The following GPR137B variants were observed in gnomAD, a reference collection of about 807,000 sequenced individuals.
GPR137B encodes integral membrane protein GPR137B.
GPR137B carries 42 observed loss-of-function variants against 42.5 expected under a neutral mutation model. The observed-to-expected ratio is 0.99, with a 90% CI of 0.77 to 1.28. The LOEUF (loss-of-function observed/expected upper bound fraction) is 1.28. GPR137B is among the 50% of genes most tolerant of loss of function. The probability of loss-of-function intolerance (pLI) is 0.00; values close to 1 mark genes in which losing one functional copy is unlikely to be tolerated. For synonymous variants in GPR137B, 218 were observed against 209.7 expected, an observed-to-expected ratio of 1.04 and a Z score of -0.34; for missense variants, 487 against 493.9, an observed-to-expected ratio of 0.99 and a Z score of 0.13.
intron 5 of GPR137B, among the ~76,000 whole-genome samples, chr1:236,199,771 T>G (rs1004961987): frequency 2.0e-5 from 3 of 152,054 alleles, no homozygotes; most frequent in Non-Finnish European, 4.4e-5. Flanking sequence ...TCACTAATGG[T>G]CTATCAATTT....
intron 1 of GPR137B, among the ~76,000 whole-genome samples, chr1:236,157,995 G>T (rs1208841364): frequency 6.6e-6 from 1 of 152,078 alleles, no homozygotes. Flanking sequence ...TATCTTTCAC[G>T]AATCCAGATT....
At chr1:236,202,188 G>T (rs1013128741) in intron 5 of GPR137B, among the ~76,000 whole-genome samples, 3 of 152,118 alleles carry the variant, frequency 2.0e-5, no homozygotes, top group Non-Finnish European at 4.4e-5. Context: ...GACCTTGGTT[G>T]TAAGTATGTT....
At chr1:236,172,360 C>T (rs552197105) in intron 2 of GPR137B, among the ~76,000 whole-genome samples, 2 of 152,262 alleles carry the variant, frequency 1.3e-5, no homozygotes, top group South Asian at 4.1e-4. Context: ...AAACATGAGC[C>T]ATTAGTCTAG....
rs988068438 is a variant in GPR137B, at chr1:236,178,804, T to G, written c.687+168T>G. Among the ~76,000 whole-genome samples, 34 of 100,540 alleles carry G rather than the reference T, an allele frequency of 3.4e-4. 1 individual carries two copies. The highest frequency in any genetic ancestry group is 1.1e-3 in the African/African-American group (34 of 30,436). The allele number at this position is 100,540 out of a possible 152,430, so 66.0% of individuals were successfully genotyped here. ...CTCGAGGTTTTTTTTTTTTTTTTTTTTTTTTTTTTTTGAGACGGAGTCTCA... is the reference window on the plus strand; with the variant it reads ...CTCGAGGTTTTTTTTTTTTTTTTTTGTTTTTTTTTTTGAGACGGAGTCTCA... On this transcript the variant is annotated intron_variant, in intron 3 of 6. Transcript: ENST00000366592.
At chr1:236,163,576 CG>C (rs1001262840) in intron 1 of GPR137B, among the ~76,000 whole-genome samples, 1 of 152,118 alleles carries the variant, frequency 6.6e-6, no homozygotes, top group African/African-American at 2.4e-5. Flanking sequence ...AATTGAATCA[CG>C]GGGGCCGGTC....
chr1:236,176,786 C>A (rs887798366), intron 2 of GPR137B, among the ~76,000 whole-genome samples: 2 of 152,084 alleles, frequency 1.3e-5, no homozygotes, highest in Non-Finnish European at 2.9e-5. Context: ...TCGTGGAGAC[C>A]CTGCCACCTA....
At chr1:236,187,745 G>C (rs1359871477) in intron 5 of GPR137B, among the ~76,000 whole-genome samples, 1 of 132,756 alleles carries the variant, frequency 7.5e-6, no homozygotes. Flanking sequence ...TTGTAGCATA[G>C]TTTGAAATCA....
chr1:236,164,808 G>T (rs921644352), intron 1 of GPR137B, among the ~76,000 whole-genome samples: 3 of 151,890 alleles, frequency 2.0e-5, no homozygotes, highest in African/African-American at 4.8e-5. Context: ...CAACTTTAAA[G>T]AACTTAAGTT....
At chr1:236,149,659 C>G (rs1170848028) in intron 1 of GPR137B, among the ~76,000 whole-genome samples, 1 of 152,232 alleles carries the variant, frequency 6.6e-6, no homozygotes, top group East Asian at 1.9e-4. Context: ...AGGGAAGCTT[C>G]TAGGCCTTTT....
At chr1:236,152,314 T>C (rs1661889969) in intron 1 of GPR137B, among the ~76,000 whole-genome samples, 2 of 151,700 alleles carry the variant, frequency 1.3e-5, no homozygotes. Context: ...ATTAAAAAAT[T>C]AGCCAAGCAT....
chr1:236,198,706 A>G (rs949389341), intron 5 of GPR137B, among the ~76,000 whole-genome samples: 9 of 152,106 alleles, frequency 5.9e-5, no homozygotes, highest in African/African-American at 2.2e-4. Flanking sequence ...GTATATTCCT[A>G]AGTATTTTGT....
chr1:236,157,288 G>C (rs555330735), intron 1 of GPR137B, among the ~76,000 whole-genome samples: 1 of 151,340 alleles, frequency 6.6e-6, no homozygotes, highest in Admixed American at 6.6e-5. Context: ...GCAGTGGCGC[G>C]ATCTCTGCTC....
chr1:236,144,549 A>G (rs948052094), intron 1 of GPR137B, among the ~76,000 whole-genome samples: 58 of 152,248 alleles, frequency 3.8e-4, no homozygotes, highest in African/African-American at 1.4e-3. Flanking sequence ...TAGATAGTAT[A>G]ATCTTTTAAA....
intron 2 of GPR137B, among the ~76,000 whole-genome samples, chr1:236,177,994 G>A (rs1662737054): frequency 6.6e-6 from 1 of 152,142 alleles, no homozygotes; most frequent in South Asian, 2.1e-4. Flanking sequence ...TAGGTATTAT[G>A]TAGTCTTATT....
At chr1:236,206,421 TTA>T (rs1372161786) in intron 6 of GPR137B, among the ~76,000 whole-genome samples, 1 of 152,210 alleles carries the variant, frequency 6.6e-6, no homozygotes, top group Non-Finnish European at 1.5e-5. Context: ...TCACCTACGC[TTA>T]TGTTATACTT....
chr1:236,208,105 G>C lies in GPR137B; in HGVS notation c.1147G>C (p.Ala383Pro). Residue 383 changes from alanine (A) to proline (P), a missense_variant, in exon 7 of 7, where the codon GCA becomes CCA. Physicochemically the swap from Ala to Pro is conservative, Grantham distance 27. Coordinates refer to ENST00000366592, the MANE Select transcript of GPR137B (RefSeq NM_003272.4). ...GQQTNSFLAQ[A>P]GTLQDSTLDP... Reference sequence around the variant, plus strand: ...ACAAACTAACAGCTTCCTGGCACAAGCAGGAACTTTGCAAGACTCAACTTT... The same window carrying C: ...ACAAACTAACAGCTTCCTGGCACAACCAGGAACTTTGCAAGACTCAACTTT... 1 of 1,612,726 alleles carries C rather than the reference G, an allele frequency of 6.2e-7. No individual in the cohort carries two copies. The highest frequency in any genetic ancestry group is 8.5e-7 in the Non-Finnish European group (1 of 1,178,782).
intron 6 of GPR137B, among the ~76,000 whole-genome samples, chr1:236,205,815 C>T (rs947052444): frequency 6.6e-6 from 1 of 152,198 alleles, no homozygotes; most frequent in East Asian, 1.9e-4. Context: ...GCTGGGATTA[C>T]AGGCGTGAGC....
intron 2 of GPR137B, among the ~76,000 whole-genome samples, chr1:236,170,704 G>A (rs1001703966): frequency 4.6e-5 from 7 of 152,054 alleles, no homozygotes; most frequent in Admixed American, 2.0e-4. Context: ...GGCCGGGCAC[G>A]GTGGCTCACT....
Position 236,158,252 on chromosome 1 carries a change from CT to C in GPR137B, c.415-10453del, listed in dbSNP as rs1478471581. ...CAACCTGGCCAAAATGGTGAAACCC[CT>C]GTCTCTACTAAAAATACAAAGATTT... is the stretch of plus-strand genomic sequence containing the variant. On this transcript the variant is annotated intron_variant, in intron 1 of 6. Coordinates refer to ENST00000366592, the MANE Select transcript of GPR137B (RefSeq NM_003272.4). Among the ~76,000 whole-genome samples the C allele has an allele frequency of 8.5e-5, 13 of 152,292 alleles. No individual in the cohort carries two copies. The East Asian group carries it at 1.9e-3, about 23-fold the overall frequency.
Sources: gnomAD v4.1 joint callset for allele counts (sites outside exome capture counted in the v4.1 genomes callset) on GRCh38, gnomAD v4.1.1 for gene constraint, MANE v1.5 for transcripts, NCBI Gene and HGNC (gene_info 2026-07-23, HGNC 2026-07-21) for gene names.